Variants in ANO8 observed in about 807,000 individuals in gnomAD.
ANO8 encodes anoctamin 8.
ANO8 carries 67 observed loss-of-function variants against 120.4 expected under a neutral mutation model. That is an observed-to-expected ratio of 0.56 (90% CI 0.46 to 0.68). The LOEUF (loss-of-function observed/expected upper bound fraction) is 0.68. Among genes scored for constraint, ANO8 ranks in the 30% least tolerant of loss-of-function variants. The probability of loss-of-function intolerance (pLI) is 0.00; values close to 1 mark genes in which losing one functional copy is unlikely to be tolerated. For missense variants in ANO8, 1,526 were observed against 1,737.6 expected, an observed-to-expected ratio of 0.88 and a Z score of 2.16; for synonymous variants, 727 against 759.2, an observed-to-expected ratio of 0.96 and a Z score of 0.70.
Position 17,333,391 on chromosome 19 carries a change from C to T in ANO8, c.350+31G>A, listed in dbSNP as rs1220261124. 1 of 1,613,358 alleles carries T rather than the reference C, an allele frequency of 6.2e-7. No homozygotes were observed. Among genetic ancestry groups the T allele is most frequent in the Non-Finnish European group, 8.5e-7 (1 of 1,179,860 alleles). The stretch of plus-strand genomic sequence containing the variant: ...GTAGAGCGGGGAGTCGGGTGGCAGG[C>T]TCAGCGAGAGGCCAGGGACAGGGGA... On this transcript the variant is annotated intron_variant, in intron 3 of 17. Transcript: ENST00000159087. The surrounding 1 kb of genome is among the most constrained non-coding windows in gnomAD (Gnocchi z 7.2).
In ANO8 at chr19:17,328,555, C is replaced by T; in HGVS notation, c.1833G>A (p.Gly611=). ...EGEEGGLLDC[G]LRLKKVSFAE... ...CGAAGCTGACCTTCTTCAGCCGGAG[C>T]CCGCAGTCCAGGAGGCCCCCTTCCT... Residue 611 remains glycine (G), a synonymous_variant, in exon 13 of 18, where the codon GGG becomes GGA. Coordinates refer to ENST00000159087, the MANE Select transcript of ANO8 (RefSeq NM_020959.3). 1 of 1,548,694 alleles carries T rather than the reference C, an allele frequency of 6.5e-7. No homozygotes were observed. The highest frequency in any genetic ancestry group is 8.7e-7 in the Non-Finnish European group (1 of 1,147,372).
In ANO8 at chr19:17,334,585, G is replaced by A. The variant is rs775046789; in HGVS notation, c.86C>T (p.Ala29Val). Residue 29 changes from alanine to valine, a missense_variant, in exon 1 of 18, where the codon GCC becomes GTC. This residue lies in a region of ANO8 where 53 missense variants were observed against 45.0 expected (regional missense o/e 1.18). Coordinates refer to ENST00000159087, the MANE Select transcript of ANO8 (RefSeq NM_020959.3). ...CATACCCAGAACTCCGGACGCCGGG[G>A]CTGCAGGCTCGCCCTCCGGCGGGGG... Reference protein sequence around the residue: ...KRPPPEGEPAAPASGVLDKLF... With the variant: ...KRPPPEGEPAVPASGVLDKLF... 20 of 1,552,480 alleles carry A rather than the reference G, an allele frequency of 1.3e-5. No homozygotes were observed. The highest frequency in any genetic ancestry group is 9.3e-5 in the South Asian group (8 of 85,842).
chr19:17,328,585 C>CTCCTCCTCG lies in ANO8; in HGVS notation c.1794_1802dup (p.Asp598_Glu600dup), dbSNP rs1295585446. ...AGTCCAGGAGGCCCCCTTCCTCGCC[C>CTCCTCCTCG]TCCTCCTCGTCCTCCTCTTCCTCCT... On this transcript the variant is annotated inframe_insertion, in exon 13 of 18. Transcript: ENST00000159087. 6.5e-7 allele frequency: 1 copy of CTCCTCCTCG among 1,546,586 alleles called. No homozygotes were observed. The highest frequency in any genetic ancestry group is 8.7e-7 in the Non-Finnish European group (1 of 1,146,016).
Position 17,325,294 on chromosome 19 carries a change from G to A in ANO8, c.2754C>T (p.Ala918=), listed in dbSNP as rs2074267048. The change falls in exon 17 of 18, where the codon GCC becomes GCT. Residue 918 remains alanine (A), a synonymous_variant. Coordinates refer to ENST00000159087, the MANE Select transcript of ANO8 (RefSeq NM_020959.3). ...EERQRHAEHH[A]RREHDSGGRE... is the part of the protein sequence containing the mutation. ...GGCCACCAGAATCATGCTCCCGCCG[G>A]GCATGGTGCTCTGCATGGCGCTGTC... 5 of 1,606,758 alleles carry A rather than the reference G, an allele frequency of 3.1e-6. No individual in the cohort carries two copies. The highest frequency in any genetic ancestry group is 4.2e-6 in the Non-Finnish European group (5 of 1,179,876).
Position 17,327,231 on chromosome 19 carries a change from C to G in ANO8, c.2661+4G>C. 1 of 1,530,362 alleles carries G rather than the reference C, an allele frequency of 6.5e-7. No homozygotes were observed. The highest frequency in any genetic ancestry group is 8.8e-7 in the Non-Finnish European group (1 of 1,134,046). The allele number at this position is 1,530,362 out of a possible 1,614,324, so 94.8% of individuals were successfully genotyped here. A position where few individuals can be genotyped will look rare whatever the true frequency, so the allele number is the denominator to read the frequency against. On this transcript the variant is annotated splice_donor_region_variant and intron_variant, in intron 16 of 17. Transcript: ENST00000159087. ...GAAAACCGAGCCCAGCCTGGCCCCCCTACCTTAAAGGCCTCGCGGCGCTGG... is the reference window on the plus strand; with the variant it reads ...GAAAACCGAGCCCAGCCTGGCCCCCGTACCTTAAAGGCCTCGCGGCGCTGG...
rs1167788726 is a variant in ANO8 at position 17,331,101 on chromosome 19, G to C, written c.818C>G (p.Thr273Arg). Reference sequence around the variant, plus strand: ...CCTGCCCAGTACCTGATCAGCCTCTGTGAATGTGTACAGGACAGACCCGAA... The same window carrying C: ...CCTGCCCAGTACCTGATCAGCCTCTCTGAATGTGTACAGGACAGACCCGAA... ...AVFGSVLYTF[T>R]EADQTSRDVS... is the part of the protein sequence containing the mutation. Residue 273 changes from threonine to arginine, a missense_variant, in exon 7 of 18, where the codon ACA becomes AGA. By Grantham distance (71) the Thr-to-Arg change is moderately conservative. Transcript: ENST00000159087. 3 of 1,614,196 alleles carry C rather than the reference G, an allele frequency of 1.9e-6. No individual in the cohort carries two copies. The highest frequency in any genetic ancestry group is 2.5e-6 in the Non-Finnish European group (3 of 1,180,028).
rs1312498704 is a variant in ANO8 at position 17,323,703 on chromosome 19, G to T, written c.3513C>A (p.Ala1171=). The T allele has an allele frequency of 4.9e-6, 6 of 1,218,286 alleles. No homozygotes were observed. In the Admixed American group the frequency reaches 2.6e-4, roughly 52 times the overall value. 75.5% of individuals were successfully genotyped at this position (1,218,286 alleles called of 1,614,324 possible). Residue 1171 remains alanine (A), a synonymous_variant, in exon 18 of 18, where the codon GCC becomes GCA. Transcript: ENST00000159087. Reference sequence around the variant, plus strand: ...CGGCCATGGCACAGGGTGGGCACTCGGCAGCGGCCAGGGCCTGGCGGGGGG... The same window carrying T: ...CGGCCATGGCACAGGGTGGGCACTCTGCAGCGGCCAGGGCCTGGCGGGGGG... ...GAAPRQALAA[A]ECPPCAMAGP...
Position 17,334,779 on chromosome 19 carries a change from G to GCGCC in ANO8, c.-113_-110dup. The GCGCC allele has an allele frequency of 8.7e-7, 1 of 1,148,934 alleles. No homozygotes were observed. Among genetic ancestry groups the GCGCC allele is most frequent in the Admixed American group, 3.6e-5 (1 of 27,758 alleles). The allele number at this position is 1,148,934 out of a possible 1,614,324, so 71.2% of individuals were successfully genotyped here. A position where few individuals can be genotyped will look rare whatever the true frequency, so the allele number is the denominator to read the frequency against. ...CGCGCGGGAGGAGGAGACAAAGGCC[G>GCGCC]CGCCCGCCCGCGCCGGCCTCGGTCC... On this transcript the variant is annotated 5_prime_UTR_variant, in exon 1 of 18. Coordinates refer to ENST00000159087, the MANE Select transcript of ANO8 (RefSeq NM_020959.3).
rs984655499 is a variant in ANO8, at chr19:17,333,095, C to T, written c.489+6G>A. On this transcript the variant is annotated splice_donor_region_variant and intron_variant, in intron 4 of 17. Transcript: ENST00000159087. This position sits in a 1 kb window ranked among gnomAD's most constrained non-coding sequence, Gnocchi z 7.2. ...GATGCATGCGGGGGCCCAGAGCCGGCCTCACCTGGGAGGTGAAGAAGCGTA... is the reference window on the plus strand; with the variant it reads ...GATGCATGCGGGGGCCCAGAGCCGGTCTCACCTGGGAGGTGAAGAAGCGTA... 3.7e-6 allele frequency: 6 copies of T among 1,613,672 alleles called. No homozygotes were observed. The Admixed American group carries it at 6.7e-5, about 18-fold the overall frequency.
chr19:17,329,629 C>T (rs2074302090), intron 12 of ANO8, 128 bp downstream of exon 12: 1 of 691,582 alleles, frequency 1.4e-6, no homozygotes, highest in Non-Finnish European at 2.5e-6. Flanking sequence ...AACGGACGGA[C>T]AGACAGGAGA....
intron 13 of ANO8, 36 bp downstream of exon 13, chr19:17,328,126 G>GGCCCCGCCCCCTGCGAT (rs2074286017): frequency 2.7e-6 from 4 of 1,492,534 alleles, no homozygotes; most frequent in African/African-American, 1.4e-5. Context: ...TCCCCGGCGA[G>GGCCCCGCCCCCTGCGAT]GCCCCGCCCC....
At position 17,331,389 on chromosome 19, in the gene ANO8, C is replaced by T. The variant is rs1324028627; in HGVS notation, c.609G>A (p.Gly203=). ...QPIIPELAAR[G]IIQQVFPVHE... ...GGACAGGGAACACCTGCTGGATGAT[C>T]CCACGTGCTGCCAGCTCCGGGACTG... Residue 203 remains glycine (G), a synonymous_variant, in exon 6 of 18, where the codon GGG becomes GGA. Transcript: ENST00000159087. 6.2e-7 allele frequency: 1 copy of T among 1,613,886 alleles called. No individual in the cohort carries two copies. The highest frequency in any genetic ancestry group is 8.5e-7 in the Non-Finnish European group (1 of 1,179,994).
rs1468794908 is a variant in ANO8, at chr19:17,330,376, G to A, written c.1122C>T (p.Leu374=). 1.3e-6 allele frequency: 2 copies of A among 1,595,482 alleles called. No homozygotes were observed. Among genetic ancestry groups the A allele is most frequent in the South Asian group, 2.3e-5 (2 of 88,826 alleles). Residue 374 remains leucine, a synonymous_variant, in exon 9 of 18, where the codon CTC becomes CTT. Transcript: ENST00000159087. ...CLACLVCVFL[L]MLGCFQLQEL... The stretch of plus-strand genomic sequence containing the variant: ...CCTGCAGCTGGAAGCAGCCAAGCAT[G>A]AGCAAGAAGACACAGACGAGGCACG...
intron 5 of ANO8, among the ~76,000 whole-genome samples, chr19:17,332,711 C>T (rs2074327976): frequency 1.3e-5 from 2 of 152,342 alleles, no homozygotes; most frequent in East Asian, 3.9e-4. Flanking sequence ...GCCCTGACCT[C>T]CTGTCCTGAT....
chr19:17,327,608 G>A lies in ANO8; in HGVS notation c.2419-39C>T, dbSNP rs543057123. 1,485 of 1,610,936 alleles carry A rather than the reference G, an allele frequency of 9.2e-4. 26 individuals carry two copies. In the South Asian group the frequency reaches 0.015, roughly 17 times the overall value. On this transcript the variant is annotated intron_variant, in intron 14 of 17. Coordinates refer to ENST00000159087, the MANE Select transcript of ANO8 (RefSeq NM_020959.3). Reference sequence around the variant, plus strand: ...GGAGGGCTCAGGCGGGGTCCAGCCGGCCTCCCCAGACCCCAGGCTCCTCCC... The same window carrying A: ...GGAGGGCTCAGGCGGGGTCCAGCCGACCTCCCCAGACCCCAGGCTCCTCCC...
Position 17,333,424 on chromosome 19 carries a change from C to T in ANO8, c.348G>A (p.Glu116=). 1 of 1,613,826 alleles carries T rather than the reference C, an allele frequency of 6.2e-7. No individual in the cohort carries two copies. The highest frequency in any genetic ancestry group is 8.5e-7 in the Non-Finnish European group (1 of 1,180,010). The part of the protein sequence containing the change: ...AYAFFVTATY[E]SLLRGADELG... ...GAGGCCAGGGACAGGGGACTCGCCT[C>T]TCATACGTGGCGGTGACAAAGAAGG... Residue 116 remains glutamate (E), a splice_region_variant and synonymous_variant, in exon 3 of 18, where the codon GAG becomes GAA. Coordinates refer to ENST00000159087, the MANE Select transcript of ANO8 (RefSeq NM_020959.3). This position sits in a 1 kb window ranked among gnomAD's most constrained non-coding sequence, Gnocchi z 7.2.
chr19:17,328,758 T>C lies in ANO8; in HGVS notation c.1630A>G (p.Arg544Gly). 7.6e-7 allele frequency: 1 copy of C among 1,315,642 alleles called. No individual in the cohort carries two copies. Among genetic ancestry groups the C allele is most frequent in the South Asian group, 2.2e-5 (1 of 46,272 alleles). 81.5% of individuals were successfully genotyped at this position (1,315,642 alleles called of 1,614,324 possible). Reference protein sequence around the residue: ...GGGGSGGGGRRCLSGGCGAPE... With the variant: ...GGGGSGGGGRGCLSGGCGAPE... ...GCCCCGCAGCCCCCGCTGAGGCACCTGCGGCCCCCGCCCCCGCTGCCGCCG... is the reference window on the plus strand; with the variant it reads ...GCCCCGCAGCCCCCGCTGAGGCACCCGCGGCCCCCGCCCCCGCTGCCGCCG... Residue 544 changes from arginine to glycine, a missense_variant, in exon 13 of 18, where the codon AGG becomes GGG. Arg to Gly is a moderately radical substitution (Grantham distance 125). Around this residue, in one of 8 missense-constraint regions of ANO8, gnomAD observed 467 missense variants for 425.8 expected, o/e 1.10. Coordinates refer to ENST00000159087, the MANE Select transcript of ANO8 (RefSeq NM_020959.3).
chr19:17,328,314 C>T lies in ANO8; in HGVS notation c.2074G>A (p.Asp692Asn), dbSNP rs1477419730. The T allele has an allele frequency of 2.5e-6, 4 of 1,597,896 alleles. No individual in the cohort carries two copies. The highest frequency in any genetic ancestry group is 2.3e-5 in the East Asian group (1 of 44,312). ...AGGEGRDQGP[D>N]GGPDPEPGSN... ...CCGGGTTCCGGGTCCGGGCCCCCGT[C>T]GGGCCCCTGGTCTCGGCCCTCGCCC... The change falls in exon 13 of 18, where the codon GAC (aspartate) becomes AAC (asparagine). Residue 692 changes from aspartate to asparagine, a missense_variant. Asp to Asn is a conservative substitution (Grantham distance 23). Transcript: ENST00000159087.
chr19:17,323,722 C>A lies in ANO8; in HGVS notation c.3494G>T (p.Arg1165Leu). Residue 1165 changes from arginine (R) to leucine (L), a missense_variant, in exon 18 of 18, where the codon CGC becomes CTC. Coordinates refer to ENST00000159087, the MANE Select transcript of ANO8 (RefSeq NM_020959.3). ...GCACTCGGCAGCGGCCAGGGCCTGG[C>A]GGGGGGCGGCACCCTCGCCCCCGCA... ...WGCGGEGAAP[R>L]QALAAAECPP... The A allele has an allele frequency of 9.0e-7, 1 of 1,116,106 alleles. No homozygotes were observed. The highest frequency in any genetic ancestry group is 4.2e-5 in the East Asian group (1 of 23,538). 69.1% of individuals were successfully genotyped at this position (1,116,106 alleles called of 1,614,324 possible).
Sources: allele counts gnomAD v4.1 joint callset (sites outside exome capture counted in the v4.1 genomes callset), GRCh38; gene constraint gnomAD v4.1.1; regional missense constraint gnomAD v4.1.1; non-coding constraint Gnocchi (gnomAD v3.1); transcripts MANE v1.5; gene names NCBI Gene and HGNC (gene_info 2026-07-23, HGNC 2026-07-21).